PTPRG: variants seen among roughly 807,000 people sequenced by gnomAD.
PTPRG encodes the protein receptor-type tyrosine-protein phosphatase gamma.
In PTPRG, 102 loss-of-function variants were observed where a neutral mutation model predicts 165.3. That is an observed-to-expected ratio of 0.62 (90% CI 0.53 to 0.73). PTPRG has a LOEUF of 0.73. Among genes scored for constraint, PTPRG ranks in the 30% least tolerant of loss-of-function variants. PTPRG has a pLI of 0.00. For synonymous variants in PTPRG, 675 were observed against 669.5 expected (o/e 1.01, Z -0.13); for missense variants, 1,866 against 1,861.4 (o/e 1.00, Z -0.05).
At chr3:61,812,653 T>G (rs1196751230) in intron 2 of PTPRG, among the ~76,000 whole-genome samples, 1 of 152,212 alleles carries the variant, frequency 6.6e-6, no homozygotes, top group Non-Finnish European at 1.5e-5. Context: ...GTAGAGATTC[T>G]TAAGGGACAA....
intron 2 of PTPRG, among the ~76,000 whole-genome samples, chr3:61,916,342 A>G (rs2038935207): frequency 6.6e-6 from 1 of 152,222 alleles, no homozygotes; most frequent in Admixed American, 6.5e-5. Context: ...AAATTATTTT[A>G]GTAATGAGAT....
At chr3:61,682,399 T>C (rs1703479767) in intron 1 of PTPRG, among the ~76,000 whole-genome samples, 1 of 152,206 alleles carries the variant, frequency 6.6e-6, no homozygotes, top group African/African-American at 2.4e-5. Flanking sequence ...GCATAGAGAC[T>C]TATATAGCAG....
chr3:61,924,797 A>T (rs923158217), intron 2 of PTPRG, among the ~76,000 whole-genome samples: 1 of 152,352 alleles, frequency 6.6e-6, no homozygotes, highest in East Asian at 1.9e-4. Context: ...GTAGTAAAAA[A>T]GCAACTGTTG....
rs532939062 is a variant in PTPRG at position 62,240,240 on chromosome 3, C to T, written c.2376-3567C>T. Among the ~76,000 whole-genome samples, 7 of 152,244 alleles carry T rather than the reference C, an allele frequency of 4.6e-5. No individual in the cohort carries two copies. The South Asian group carries it at 8.3e-4, about 18-fold the overall frequency. On this transcript the variant is annotated intron_variant, in intron 14 of 29. Coordinates refer to ENST00000474889, the MANE Select transcript of PTPRG (RefSeq NM_002841.4). This position sits in a 1 kb window ranked among gnomAD's most constrained non-coding sequence, Gnocchi z 5.1. ...ACTTAGGAGGCTGAGGCACGAGAGG[C>T]GTGAGAATCGCCCGAACCTGGGAGG...
chr3:61,570,577 A>G lies in PTPRG; in HGVS notation c.85+8205A>G, dbSNP rs539481418. 6.6e-5 allele frequency among the ~76,000 whole-genome samples: 10 copies of G among 152,240 alleles called. No individual in the cohort carries two copies. The South Asian group carries it at 1.9e-3, about 28-fold the overall frequency. On this transcript the variant is annotated intron_variant, in intron 1 of 29. Transcript: ENST00000474889. ...ATACTAGTTACAATATACATCTAAG[A>G]GGTATTTGAGTTTTCATAGCATTGC...
chr3:61,608,019 T>A (rs1575534302), intron 1 of PTPRG, among the ~76,000 whole-genome samples: 1 of 152,196 alleles, frequency 6.6e-6, no homozygotes. Context: ...TATTTTTTTT[T>A]AATGAATTCA....
Position 62,273,865 on chromosome 3 carries a change from C to A in PTPRG, c.3465+21C>A, listed in dbSNP as rs1484386302. On this transcript the variant is annotated intron_variant, in intron 23 of 29. Transcript: ENST00000474889. The surrounding 1 kb of genome is among the most constrained non-coding windows in gnomAD (Gnocchi z 4.1). The stretch of plus-strand genomic sequence containing the variant: ...TCAAGGTAGTGCTTTGAAAAAGTTT[C>A]TTTGGCATAAAGCAAGAAAATGTTT... 2 of 1,610,080 alleles carry A rather than the reference C, an allele frequency of 1.2e-6. No individual in the cohort carries two copies. Among genetic ancestry groups the A allele is most frequent in the Non-Finnish European group, 1.7e-6 (2 of 1,177,366 alleles).
intron 6 of PTPRG, among the ~76,000 whole-genome samples, chr3:62,153,959 T>C (rs537127626): frequency 6.6e-6 from 1 of 152,328 alleles, no homozygotes; most frequent in Admixed American, 6.5e-5. Context: ...GCATACTGTT[T>C]CAGATTCCCT....
At chr3:61,918,341 C>A (rs944679042) in intron 2 of PTPRG, among the ~76,000 whole-genome samples, 1 of 151,810 alleles carries the variant, frequency 6.6e-6, no homozygotes, top group African/African-American at 2.4e-5. Flanking sequence ...GAAAGGAAAT[C>A]AGTTATTGAA....
At chr3:62,232,200 T>C (rs1356168749) in intron 14 of PTPRG, among the ~76,000 whole-genome samples, 2 of 152,182 alleles carry the variant, frequency 1.3e-5, no homozygotes, top group African/African-American at 2.4e-5. Flanking sequence ...CCAACTATTA[T>C]AATCAGATAA....
intron 16 of PTPRG, among the ~76,000 whole-genome samples, chr3:62,259,809 A>G (rs1033857797): frequency 1.3e-5 from 2 of 152,204 alleles, no homozygotes; most frequent in African/African-American, 4.8e-5. Context: ...CAGGAAGAGA[A>G]CAGGCATTCT....
Position 61,794,743 on chromosome 3 carries a change from G to A in PTPRG, c.190+45761G>A, listed in dbSNP as rs188907797. 3.5e-4 allele frequency among the ~76,000 whole-genome samples: 53 copies of A among 152,150 alleles called. No homozygotes were observed. The East Asian group carries it at 3.9e-3, about 11-fold the overall frequency. On this transcript the variant is annotated intron_variant, in intron 2 of 29. Coordinates refer to ENST00000474889, the MANE Select transcript of PTPRG (RefSeq NM_002841.4). ...TCATCAGGTTATAATGAAGATTTTC[G>A]TTTGAAAGCTGGTGTTTTTATTCCC...
intron 2 of PTPRG, among the ~76,000 whole-genome samples, chr3:61,877,953 C>G (rs573202095): frequency 4.5e-4 from 68 of 152,314 alleles, no homozygotes; most frequent in African/African-American, 1.6e-3. Context: ...ACATAATTAG[C>G]TCCTCGCACA....
chr3:62,266,229 T>C (rs1442952011), intron 17 of PTPRG, among the ~76,000 whole-genome samples: 2 of 152,148 alleles, frequency 1.3e-5, no homozygotes, highest in African/African-American at 4.8e-5. Flanking sequence ...ATTGCCTGCC[T>C]TCATCTACCC....
intron 6 of PTPRG, among the ~76,000 whole-genome samples, chr3:62,148,730 G>A (rs9811256): frequency 0.011 from 1,713 of 152,216 alleles, 34 homozygotes; most frequent in African/African-American, 0.039. Flanking sequence ...CCACTGCACT[G>A]CAGCCTGGGG....
chr3:62,166,388 G>T (rs1457036562), intron 7 of PTPRG, among the ~76,000 whole-genome samples: 1 of 151,340 alleles, frequency 6.6e-6, no homozygotes, highest in East Asian at 2.0e-4. Context: ...CCAGGCTGGA[G>T]TGCAGTGGCA....
chr3:61,593,970 C>T (rs146660132), intron 1 of PTPRG, among the ~76,000 whole-genome samples: 157 of 152,154 alleles, frequency 1.0e-3, no homozygotes, highest in African/African-American at 3.0e-3. Context: ...AGGCAGCAGA[C>T]GGACAGCTGT....
At chr3:62,289,640 A>C (rs1702802347) in intron 28 of PTPRG, among the ~76,000 whole-genome samples, 1 of 151,732 alleles carries the variant, frequency 6.6e-6, no homozygotes, top group South Asian at 2.1e-4. Context: ...ATTTTAAGAG[A>C]CATTTCAAAA....
At chr3:62,188,884 T>C (rs1699731485) in intron 8 of PTPRG, among the ~76,000 whole-genome samples, 1 of 152,206 alleles carries the variant, frequency 6.6e-6, no homozygotes, top group Non-Finnish European at 1.5e-5. Flanking sequence ...TCCCAATATG[T>C]ACATCTCGGT....
Sources: allele counts gnomAD v4.1 joint callset (sites outside exome capture counted in the v4.1 genomes callset), GRCh38; gene constraint gnomAD v4.1.1; non-coding constraint Gnocchi (gnomAD v3.1); transcripts MANE v1.5; gene names NCBI Gene and HGNC (gene_info 2026-07-23, HGNC 2026-07-21).